The following TTLL11 variants were observed in gnomAD, a reference collection of about 807,000 sequenced individuals.
TTLL11 encodes the protein tubulin polyglutamylase TTLL11.
In TTLL11, 42 loss-of-function variants were observed where a neutral mutation model predicts 51.7. The observed-to-expected ratio is 0.81, with a 90% confidence interval of 0.64 to 1.05. The LOEUF (loss-of-function observed/expected upper bound fraction) is 1.05, where lower values mean the gene tolerates loss of function less well. TTLL11 is among the 50% of genes least tolerant of loss of function. The pLI is 0.00. For synonymous variants in TTLL11, 381 were observed against 383.5 expected (o/e 0.99, Z 0.08); for missense variants, 799 against 940.4 (o/e 0.85, Z 1.97).
At chr9:122,063,373 A>G (rs981026325) in intron 1 of TTLL11, among the ~76,000 whole-genome samples, 1 of 152,242 alleles carries the variant, frequency 6.6e-6, no homozygotes. Flanking sequence ...GGAAGAAAAT[A>G]CTTCAAACAT....
At chr9:122,048,073 C>T (rs1244422922) in intron 1 of TTLL11, among the ~76,000 whole-genome samples, 4 of 152,192 alleles carry the variant, frequency 2.6e-5, no homozygotes, top group Non-Finnish European at 4.4e-5. Flanking sequence ...CATCTCTCAC[C>T]AGCCTCCTCC....
chr9:121,951,958 G>A (rs1380470370), intron 6 of TTLL11, among the ~76,000 whole-genome samples: 1 of 152,184 alleles, frequency 6.6e-6, no homozygotes, highest in Non-Finnish European at 1.5e-5. Flanking sequence ...GCTGGTGGGA[G>A]TGTAGCAGTG....
chr9:121,826,296 G>T (rs1300935715), intron 8 of TTLL11, among the ~76,000 whole-genome samples: 1 of 90,234 alleles, frequency 1.1e-5, no homozygotes, highest in Admixed American at 1.1e-4. Flanking sequence ...GTGTGTGGGT[G>T]TATATATATA....
At chr9:121,861,714 A>T (rs1057191998) in intron 7 of TTLL11, among the ~76,000 whole-genome samples, 14 of 152,192 alleles carry the variant, frequency 9.2e-5, no homozygotes, top group Non-Finnish European at 2.1e-4. Context: ...TGACCCAAGG[A>T]TGACAGCATG....
chr9:122,051,688 G>T (rs1338090189), intron 1 of TTLL11, among the ~76,000 whole-genome samples: 1 of 152,028 alleles, frequency 6.6e-6, no homozygotes, highest in African/African-American at 2.4e-5. Context: ...CCACTCGCTG[G>T]TTGAGCTCTC....
intron 6 of TTLL11, among the ~76,000 whole-genome samples, chr9:121,915,455 G>A (rs1588121747): frequency 6.6e-6 from 1 of 152,216 alleles, no homozygotes; most frequent in East Asian, 1.9e-4. Context: ...CTGACTTCCC[G>A]ATACATCTCA....
rs561443963 is a variant in TTLL11, at chr9:121,889,160, C to T, written c.1482-18412G>A. 2.0e-5 allele frequency among the ~76,000 whole-genome samples: 3 copies of T among 152,188 alleles called. No homozygotes were observed. In the East Asian group the frequency reaches 5.8e-4, roughly 29 times the overall value. On this transcript the variant is annotated intron_variant, in intron 6 of 8. Transcript: ENST00000321582. ...ACAACAACCCTATGAGGTATCTCTA[C>T]TTTACAGACGGGGAAAAATAGGCCC...
intron 3 of TTLL11, among the ~76,000 whole-genome samples, chr9:122,025,782 T>C (rs1192354767): frequency 6.6e-6 from 1 of 152,194 alleles, no homozygotes; most frequent in Non-Finnish European, 1.5e-5. Context: ...ATCCAGCAAT[T>C]CAATTTTTAA....
In TTLL11 at chr9:121,924,331, T is replaced by C. The variant is rs1840642707; in HGVS notation, c.1481+49678A>G. ...CTAGGATGTTTCCTTCCCATCTGAG[T>C]GCCACATCCCCAGCACTGTGGCAGT... On this transcript the variant is annotated intron_variant, in intron 6 of 8. Transcript: ENST00000321582. 2.0e-5 allele frequency among the ~76,000 whole-genome samples: 3 copies of C among 152,112 alleles called. No individual in the cohort carries two copies. The South Asian group carries it at 6.2e-4, about 31-fold the overall frequency.
At position 121,818,817 on chromosome 9, in the gene TTLL11, C is replaced by G. The variant is rs1015469157; in HGVS notation, c.*3770G>C. On this transcript the variant is annotated 3_prime_UTR_variant, in exon 9 of 9. Coordinates refer to ENST00000321582, the MANE Select transcript of TTLL11 (RefSeq NM_001139442.2). ...GGGGTCGGACAGGGGCTCAGGGAGGCTGCAGAGCCTGGTCCTGAGGTGCAG... is the reference window on the plus strand; with the variant it reads ...GGGGTCGGACAGGGGCTCAGGGAGGGTGCAGAGCCTGGTCCTGAGGTGCAG... The G allele has an allele frequency of 1.3e-5, 2 of 152,542 alleles. No individual in the cohort carries two copies. Among genetic ancestry groups the G allele is most frequent in the African/African-American group, 4.8e-5 (2 of 41,442 alleles). The allele number at this position is 152,542 out of a possible 1,614,324, so 9.4% of individuals were successfully genotyped here.
chr9:122,082,644 A>G (rs1846028513), intron 1 of TTLL11, among the ~76,000 whole-genome samples: 1 of 152,166 alleles, frequency 6.6e-6, no homozygotes, highest in Non-Finnish European at 1.5e-5. Context: ...AATGAAATGA[A>G]TCTATATATA....
At chr9:121,872,173 C>G (rs1418665226) in intron 6 of TTLL11, among the ~76,000 whole-genome samples, 1 of 152,240 alleles carries the variant, frequency 6.6e-6, no homozygotes, top group Non-Finnish European at 1.5e-5. Context: ...CATTAGTGCC[C>G]AGGTTGGGCC....
At chr9:121,926,804 G>A (rs1840752441) in intron 6 of TTLL11, among the ~76,000 whole-genome samples, 1 of 150,484 alleles carries the variant, frequency 6.6e-6, no homozygotes. Context: ...CACTCTGGCT[G>A]TTAAAACAGA....
At chr9:121,905,145 T>G (rs1029066873) in intron 6 of TTLL11, among the ~76,000 whole-genome samples, 1 of 152,284 alleles carries the variant, frequency 6.6e-6, no homozygotes, top group African/African-American at 2.4e-5. Flanking sequence ...TATTGTAATA[T>G]TATATCTCTC....
At chr9:122,069,605 C>A (rs763028415) in intron 1 of TTLL11, among the ~76,000 whole-genome samples, 1 of 152,094 alleles carries the variant, frequency 6.6e-6, no homozygotes, top group African/African-American at 2.4e-5. Flanking sequence ...TCGCTTGAAC[C>A]CAGGAGGTGG....
chr9:122,026,452 A>AG (rs1432965753), intron 3 of TTLL11, among the ~76,000 whole-genome samples: 2 of 151,908 alleles, frequency 1.3e-5, no homozygotes, highest in African/African-American at 4.8e-5. Context: ...AAAAAAAAAA[A>AG]AAGAAGGGAA....
At position 121,974,022 on chromosome 9, in the gene TTLL11, T is replaced by G; in HGVS notation, c.1468A>C (p.Lys490Gln). ...AAAAGTACTTACTGATTCTCTCTTTTCTTCTTAAGTGGGTCCATGAGGCGC... is the reference window on the plus strand; with the variant it reads ...AAAAGTACTTACTGATTCTCTCTTTGCTTCTTAAGTGGGTCCATGAGGCGC... ...TLRLMDPLKK[K>Q]RENQSQQLEK... Residue 490 changes from lysine to glutamine, a missense_variant, in exon 6 of 9, where the codon AAA becomes CAA. Around this residue, in one of 3 missense-constraint regions of TTLL11, gnomAD observed 468 missense variants for 612.8 expected, o/e 0.76. Transcript: ENST00000321582. The G allele has an allele frequency of 6.4e-7, 1 of 1,551,566 alleles. No individual in the cohort carries two copies. Among genetic ancestry groups the G allele is most frequent in the South Asian group, 1.2e-5 (1 of 84,032 alleles).
intron 3 of TTLL11, among the ~76,000 whole-genome samples, chr9:121,998,538 G>A (rs1588190422): frequency 6.6e-6 from 1 of 150,824 alleles, no homozygotes; most frequent in East Asian, 1.9e-4. Flanking sequence ...CACCCGCCTC[G>A]ACCTCCCAAA....
intron 6 of TTLL11, among the ~76,000 whole-genome samples, chr9:121,883,428 T>C (rs7031697): frequency 0.02 from 3,076 of 152,278 alleles, 73 homozygotes; most frequent in African/African-American, 0.069. Context: ...ACTCTGCAGC[T>C]AGGGATGTTG....
Sources: gnomAD v4.1 joint callset for allele counts (sites outside exome capture counted in the v4.1 genomes callset) on GRCh38, gnomAD v4.1.1 for gene constraint, gnomAD v4.1.1 regional missense constraint, MANE v1.5 for transcripts, NCBI Gene and HGNC (gene_info 2026-07-23, HGNC 2026-07-21) for gene names.